Variants in TENM3 observed in about 807,000 individuals in gnomAD.
The protein encoded by TENM3 is teneurin transmembrane protein 3, also known as teneurin-3.
A neutral mutation model predicts 255.1 loss-of-function variants in TENM3; 63 were observed. The observed-to-expected ratio is 0.25, with a 90% CI of 0.20 to 0.30. The LOEUF is 0.30. Ranked by LOEUF, TENM3 falls within the 10% of genes least tolerant of loss-of-function variation. TENM3 has a pLI of 1.00. For missense variants in TENM3, 2,929 were observed against 3,461.1 expected, an observed-to-expected ratio of 0.85 and a Z score of 3.86; for synonymous variants, 1,306 against 1,322.3, an observed-to-expected ratio of 0.99 and a Z score of 0.27.
chr4:181,983,401 C>T, the TENM3 span, among the ~76,000 whole-genome samples: 375 of 152,224 alleles, frequency 2.5e-3, 5 homozygotes, highest in Non-Finnish European at 3.0e-3. Context: ...GATAATGACA[C>T]CCTTTCTCAG....
chr4:182,097,737 A>T, the TENM3 span, among the ~76,000 whole-genome samples: 1 of 152,172 alleles, frequency 6.6e-6, no homozygotes, highest in Admixed American at 6.5e-5. Context: ...ACACTTACTG[A>T]GTGTTTACTT....
rs200215574 is a variant in TENM3, at chr4:182,324,072, G to C, written c.52G>C (p.Glu18Gln). ...PYCSLTKSRR[E>Q]KERRYTNSSA... is the part of the protein sequence containing the mutation. ...CTGCTCCCTGACCAAGAGCAGACGA[G>C]AGAAGGAACGGCGCTACACAAATTC... The change falls in exon 2 of 28, where the codon GAG (glutamate) becomes CAG (glutamine). Residue 18 changes from glutamate (E) to glutamine (Q), a missense_variant. Physicochemically the swap from Glu to Gln is conservative, Grantham distance 29 (BLOSUM62 2). Coordinates refer to ENST00000511685, the MANE Select transcript of TENM3 (RefSeq NM_001080477.4). 2.5e-6 allele frequency: 4 copies of C among 1,614,022 alleles called. No individual in the cohort carries two copies. In the African/African-American group the frequency reaches 5.3e-5, roughly 22 times the overall value.
the TENM3 span, among the ~76,000 whole-genome samples, chr4:181,683,928 C>G: frequency 6.6e-6 from 1 of 152,152 alleles, no homozygotes; most frequent in Admixed American, 6.5e-5. Flanking sequence ...ACATGGAAGT[C>G]TTCCTTATGA....
intron 1 of TENM3, among the ~76,000 whole-genome samples, chr4:182,244,363 T>C (rs1020593110): frequency 1.3e-5 from 2 of 152,214 alleles, no homozygotes; most frequent in African/African-American, 4.8e-5. Flanking sequence ...TTTAGTGTTC[T>C]GAAATTTTAT....
intron 3 of TENM3, among the ~76,000 whole-genome samples, chr4:182,559,813 G>A (rs1042662266): frequency 2.6e-5 from 4 of 151,704 alleles, no homozygotes; most frequent in African/African-American, 7.3e-5. Context: ...TGGTTAATGG[G>A]TACAAATAAA....
the TENM3 span, among the ~76,000 whole-genome samples, chr4:181,579,114 T>C: frequency 6.6e-6 from 1 of 152,054 alleles, no homozygotes; most frequent in Non-Finnish European, 1.5e-5. Context: ...TTGCTCCACA[T>C]GGAAGTCTCA....
At chr4:182,615,391 A>G (rs1250333921) in intron 4 of TENM3, among the ~76,000 whole-genome samples, 1 of 152,190 alleles carries the variant, frequency 6.6e-6, no homozygotes, top group Non-Finnish European at 1.5e-5. Flanking sequence ...GTAAATGCCC[A>G]AGGTAAAGTA....
the TENM3 span, among the ~76,000 whole-genome samples, chr4:181,774,015 T>TG: frequency 7.6e-6 from 1 of 131,452 alleles, no homozygotes; most frequent in Non-Finnish European, 1.6e-5. Flanking sequence ...TTTTTTTTTT[T>TG]TTTTTTTTTT....
At chr4:182,625,229 C>G (rs936087543) in intron 4 of TENM3, among the ~76,000 whole-genome samples, 1 of 152,144 alleles carries the variant, frequency 6.6e-6, no homozygotes, top group African/African-American at 2.4e-5. Flanking sequence ...TAGCACGGGT[C>G]CCCGACCACT....
the TENM3 span, among the ~76,000 whole-genome samples, chr4:181,662,312 T>A: frequency 2.0e-5 from 3 of 152,226 alleles, no homozygotes; most frequent in Non-Finnish European, 2.9e-5. Flanking sequence ...ACAGTACAAA[T>A]GGGCTAAAAT....
At chr4:182,499,169 G>A (rs1000343535) in intron 3 of TENM3, among the ~76,000 whole-genome samples, 1 of 152,174 alleles carries the variant, frequency 6.6e-6, no homozygotes, top group African/African-American at 2.4e-5. Flanking sequence ...CATTCCTCTG[G>A]TAAGGAAGAA....
rs552402333 is a variant in TENM3, at chr4:182,163,244, C to T, written c.-76+18490C>T. On this transcript the variant is annotated intron_variant, in intron 1 of 2. Transcript: ENST00000512480. ...ACTGGGCCTCCTGCCACCCGTCTTT[C>T]GTCTCTCCAATCCATTTTTCTAGAT... Among the ~76,000 whole-genome samples, 18 of 152,246 alleles carry T rather than the reference C, an allele frequency of 1.2e-4. 1 individual carries two copies. Among genetic ancestry groups the T allele is most frequent in the Middle Eastern group, 3.4e-3 (1 of 294 alleles).
intron 3 of TENM3, among the ~76,000 whole-genome samples, chr4:182,561,884 AT>A (rs992428455): frequency 2.6e-5 from 4 of 152,176 alleles, no homozygotes; most frequent in Admixed American, 1.3e-4. Context: ...GCCATTAAAA[AT>A]AATAGCAAAA....
intron 4 of TENM3, among the ~76,000 whole-genome samples, chr4:182,626,071 G>A (rs1750788695): frequency 6.6e-6 from 1 of 152,208 alleles, no homozygotes; most frequent in East Asian, 1.9e-4. Context: ...TTGGAACAGA[G>A]CCAGAGTTAA....
chr4:181,737,367 CT>C, the TENM3 span, among the ~76,000 whole-genome samples: 1 of 152,142 alleles, frequency 6.6e-6, no homozygotes, highest in Non-Finnish European at 1.5e-5. Flanking sequence ...AAAATTCATA[CT>C]TTTGGCTAAA....
At chr4:182,232,555 G>A (rs1288437574) in intron 1 of TENM3, among the ~76,000 whole-genome samples, 1 of 152,066 alleles carries the variant, frequency 6.6e-6, no homozygotes, top group Admixed American at 6.6e-5. Flanking sequence ...GAAACCCCAT[G>A]TCTACTAAAA....
At chr4:182,018,186 A>G in the TENM3 span, among the ~76,000 whole-genome samples, 1 of 152,122 alleles carries the variant, frequency 6.6e-6, no homozygotes, top group Non-Finnish European at 1.5e-5. Context: ...TAATTGATTT[A>G]TGTGGTATGA....
chr4:181,493,820 G>A, the TENM3 span, among the ~76,000 whole-genome samples: 34 of 152,066 alleles, frequency 2.2e-4, no homozygotes, highest in Middle Eastern at 3.4e-3. Flanking sequence ...TTTGACATTC[G>A]CCTACGTACC....
the TENM3 span, among the ~76,000 whole-genome samples, chr4:181,682,604 G>A: frequency 6.6e-6 from 1 of 152,106 alleles, no homozygotes; most frequent in Non-Finnish European, 1.5e-5. Flanking sequence ...ATATATATAT[G>A]CACATATGCA....
Sources: gnomAD v4.1 joint callset for allele counts (sites outside exome capture counted in the v4.1 genomes callset) on GRCh38, gnomAD v4.1.1 for gene constraint, MANE v1.5 for transcripts, NCBI Gene and HGNC (gene_info 2026-07-23, HGNC 2026-07-21) for gene names.